The following TRANK1 variants were observed in gnomAD, a reference collection of about 807,000 sequenced individuals.
TRANK1 encodes TPR and ankyrin repeat-containing protein 1.
A neutral mutation model predicts 266.0 loss-of-function variants in TRANK1; 198 were observed. That is an observed-to-expected ratio of 0.74 (90% confidence interval 0.66 to 0.84). TRANK1 has a LOEUF of 0.84. Ranked by LOEUF, TRANK1 falls within the 40% of genes least tolerant of loss-of-function variation. The pLI, the probability that TRANK1 is intolerant of heterozygous loss-of-function variation, is 0.00. For missense variants in TRANK1, 3,326 were observed against 3,634.6 expected, an observed-to-expected ratio of 0.92 and a Z score of 2.18; for synonymous variants, 1,396 against 1,384.1, an observed-to-expected ratio of 1.01 and a Z score of -0.19.
intron 1 of TRANK1, among the ~76,000 whole-genome samples, chr3:36,937,044 C>T (rs1465541894): frequency 2.0e-5 from 3 of 152,140 alleles, no homozygotes; most frequent in Non-Finnish European, 2.9e-5. Context: ...TTGCAGTGAG[C>T]CGAGATCATG....
Position 36,852,212 on chromosome 3 carries a change from G to T in TRANK1, c.4683C>A (p.Ser1561Arg). The change falls in exon 14 of 24, where the codon AGC becomes AGA. Residue 1561 changes from serine (S) to arginine (R), a missense_variant. By Grantham distance (110) the Ser-to-Arg change is moderately radical. Transcript: ENST00000645898. ...KPTVLESCSV[S>R]DLAILLRGNK... ...TCCCTCGTAGCAAAATTGCCAAGTC[G>T]CTTACACTACAAGACTCCAGAACAG... 1 of 1,611,574 alleles carries T rather than the reference G, an allele frequency of 6.2e-7. No homozygotes were observed. Among genetic ancestry groups the T allele is most frequent in the South Asian group, 1.1e-5 (1 of 90,286 alleles).
At chr3:36,893,283 CA>C (rs900158575) in intron 5 of TRANK1, among the ~76,000 whole-genome samples, 22 of 147,800 alleles carry the variant, frequency 1.5e-4, no homozygotes, top group Admixed American at 5.4e-4. Context: ...AATGAGATTA[CA>C]AAAAAAAAAG....
At chr3:36,941,595 G>A (rs2080497349) in intron 1 of TRANK1, among the ~76,000 whole-genome samples, 1 of 149,788 alleles carries the variant, frequency 6.7e-6, no homozygotes, top group Non-Finnish European at 1.5e-5. Context: ...CCTAAGGAGT[G>A]ACCAAAGGAG....
intron 17 of TRANK1, among the ~76,000 whole-genome samples, chr3:36,843,188 C>T (rs1247576992): frequency 6.6e-6 from 1 of 152,066 alleles, no homozygotes; most frequent in African/African-American, 2.4e-5. Context: ...TGTTGTCTTT[C>T]TAGTATTCAT....
At chr3:36,898,671 G>A (rs905139249) in intron 4 of TRANK1, among the ~76,000 whole-genome samples, 4 of 152,038 alleles carry the variant, frequency 2.6e-5, no homozygotes, top group East Asian at 1.9e-4. Context: ...CCAATATGGC[G>A]AAACCTCATC....
intron 1 of TRANK1, among the ~76,000 whole-genome samples, chr3:36,931,773 G>A (rs978321611): frequency 2.6e-5 from 4 of 152,224 alleles, no homozygotes; most frequent in African/African-American, 9.7e-5. Flanking sequence ...TCTGGGCCAG[G>A]TGTGGTGGCT....
In TRANK1 at chr3:36,858,784, C is replaced by G. The variant is rs2079093877; in HGVS notation, c.1606G>C (p.Ala536Pro). Residue 536 changes from alanine to proline, a missense_variant, in exon 12 of 24, where the codon GCT becomes CCT. Coordinates refer to ENST00000645898, the MANE Select transcript of TRANK1 (RefSeq NM_001329998.2). The stretch of plus-strand genomic sequence containing the variant: ...GTATCACCTTCCGTGAGAGAAATAG[C>G]ACGGGGGTCTGCGCCCTTGGTCAAG... ...LLLTKGADPR[A>P]ISLTEGDTPL... 6.5e-7 allele frequency: 1 copy of G among 1,537,046 alleles called. No individual in the cohort carries two copies. Among genetic ancestry groups the G allele is most frequent in the African/African-American group, 1.4e-5 (1 of 73,056 alleles).
At chr3:36,893,031 T>C in intron 5 of TRANK1, 47 bp from the exon 6 acceptor site, 1 of 1,192,638 alleles carries the variant, frequency 8.4e-7, no homozygotes. Flanking sequence ...GTTCTCCACA[T>C]AGGTTATTAA....
chr3:36,926,426 T>A (rs1413639080), intron 1 of TRANK1, among the ~76,000 whole-genome samples: 2 of 152,174 alleles, frequency 1.3e-5, no homozygotes, highest in African/African-American at 4.8e-5. Flanking sequence ...ATACTCTGGA[T>A]TAGACTATAC....
intron 15 of TRANK1, chr3:36,850,078 C>T: frequency 6.1e-6 from 6 of 985,402 alleles, no homozygotes; most frequent in Non-Finnish European, 7.2e-6. Context: ...TCCTTAAGTC[C>T]AGAGCTCCTT....
chr3:36,885,917 G>C (rs2079596528), intron 8 of TRANK1, among the ~76,000 whole-genome samples: 1 of 151,986 alleles, frequency 6.6e-6, no homozygotes. Context: ...AACCATTTTT[G>C]TAACTTTTCT....
Position 36,838,444 on chromosome 3 carries a change from T to C in TRANK1, c.5445A>G (p.Thr1815=), listed in dbSNP as rs2078799632. 1 of 1,613,952 alleles carries C rather than the reference T, an allele frequency of 6.2e-7. No individual in the cohort carries two copies. The highest frequency in any genetic ancestry group is 1.7e-5 in the Admixed American group (1 of 60,010). Residue 1815 remains threonine, a synonymous_variant, in exon 20 of 24, where the codon ACA becomes ACG. Transcript: ENST00000645898. ...CATAGCTCAGACACTTAAGGGACAG[T>C]GTTGGCTCTTTGCACTCCAAATAGG... ...AKTYLECKEP[T]LSLKCLSYAK...
chr3:36,886,026 C>G (rs539916214), intron 8 of TRANK1, among the ~76,000 whole-genome samples: 2 of 151,754 alleles, frequency 1.3e-5, no homozygotes, highest in South Asian at 2.1e-4. Flanking sequence ...GAAGAAGGAG[C>G]CTGTGAGAGT....
chr3:36,834,455 G>A, intron 21 of TRANK1: 1 of 265,574 alleles, frequency 3.8e-6, no homozygotes, highest in Non-Finnish European at 7.0e-6. Flanking sequence ...ATGAGGCTCT[G>A]AAGGACTCCC....
At chr3:36,932,459 A>G (rs547511851) in intron 1 of TRANK1, among the ~76,000 whole-genome samples, 6 of 152,304 alleles carry the variant, frequency 3.9e-5, no homozygotes, top group Middle Eastern at 3.4e-3. Context: ...GCTACTCGGG[A>G]GCCTAAGGCA....
chr3:36,905,084 C>T (rs1391777235), intron 2 of TRANK1, among the ~76,000 whole-genome samples: 4 of 151,704 alleles, frequency 2.6e-5, no homozygotes, highest in African/African-American at 7.3e-5. Context: ...GTCAGGAGAT[C>T]GAGACCATCC....
chr3:36,851,717 A>G lies in TRANK1; in HGVS notation c.4887+2T>C. ...GTGTGAAAAGAATTAGGTGTGACAT[A>G]CCTCAGAATCAGTAAAAAAGTTGTA... On this transcript the variant is annotated splice_donor_variant, in intron 15 of 23. Coordinates refer to ENST00000645898, the MANE Select transcript of TRANK1 (RefSeq NM_001329998.2). LOFTEE classifies it high-confidence loss of function. 1 of 1,607,128 alleles carries G rather than the reference A, an allele frequency of 6.2e-7. No individual in the cohort carries two copies. The highest frequency in any genetic ancestry group is 8.5e-7 in the Non-Finnish European group (1 of 1,178,144).
chr3:36,907,228 G>T (rs931927480), intron 2 of TRANK1, among the ~76,000 whole-genome samples: 2 of 152,170 alleles, frequency 1.3e-5, no homozygotes, highest in Non-Finnish European at 1.5e-5. Context: ...TCGGCTCGCT[G>T]TAACATCTGC....
Position 36,831,589 on chromosome 3 carries a change from T to C in TRANK1, c.7994A>G (p.Tyr2665Cys). Residue 2665 changes from tyrosine (Y) to cysteine (C), a missense_variant, in exon 22 of 24, where the codon TAT becomes TGT. Tyr to Cys is a radical substitution (Grantham distance 194). Coordinates refer to ENST00000645898, the MANE Select transcript of TRANK1 (RefSeq NM_001329998.2). This position sits in a 1 kb window ranked among gnomAD's most constrained non-coding sequence, Gnocchi z 5.0. ...CAGGCGGTTTAGTCTGACCTCCTCA[T>C]AATAGAGGCCACGGACTATGGACCC... Reference protein sequence around the residue: ...TKGSIVRGLYYEEVRLNRLLC... With the variant: ...TKGSIVRGLYCEEVRLNRLLC... 6.2e-7 allele frequency: 1 copy of C among 1,613,746 alleles called. No homozygotes were observed. Among genetic ancestry groups the C allele is most frequent in the Non-Finnish European group, 8.5e-7 (1 of 1,179,758 alleles).
Sources: gnomAD v4.1 joint callset for allele counts (sites outside exome capture counted in the v4.1 genomes callset) on GRCh38, gnomAD v4.1.1 for gene constraint, Gnocchi (gnomAD v3.1) non-coding constraint, MANE v1.5 for transcripts, NCBI Gene and HGNC (gene_info 2026-07-23, HGNC 2026-07-21) for gene names.